RNLS: variants seen among roughly 807,000 people sequenced by gnomAD.
RNLS encodes renalase, FAD dependent amine oxidase.
RNLS carries 39 observed loss-of-function variants against 39.8 expected under a neutral mutation model. The observed-to-expected ratio is 0.98, with a 90% CI of 0.76 to 1.28. The LOEUF is 1.28. Ranked by LOEUF, RNLS falls within the 50% of genes most tolerant of loss-of-function variation. RNLS has a pLI of 0.00. For synonymous variants in RNLS, 147 were observed against 150.7 expected (o/e 0.98, Z 0.18); for missense variants, 410 against 413.3 (o/e 0.99, Z 0.07).
intron 4 of RNLS, among the ~76,000 whole-genome samples, chr10:88,457,645 A>C (rs1842705702): frequency 6.6e-6 from 1 of 152,240 alleles, no homozygotes; most frequent in South Asian, 2.1e-4. Context: ...TTGATATTTT[A>C]TAATTTTTAG....
At chr10:88,252,016 G>T in the RNLS span, among the ~76,000 whole-genome samples, 1 of 152,132 alleles carries the variant, frequency 6.6e-6, no homozygotes, top group Non-Finnish European at 1.5e-5. Flanking sequence ...ATTTCTTCTC[G>T]TTCCAAGTAG....
chr10:88,563,639 AG>A (rs1849321156), intron 4 of RNLS, among the ~76,000 whole-genome samples: 1 of 152,192 alleles, frequency 6.6e-6, no homozygotes, highest in Non-Finnish European at 1.5e-5. Flanking sequence ...GAGTGACAGG[AG>A]GATGTGAGAA....
At chr10:88,369,329 C>T (rs1174131592) in intron 4 of RNLS, among the ~76,000 whole-genome samples, 4 of 152,090 alleles carry the variant, frequency 2.6e-5, no homozygotes, top group Admixed American at 6.6e-5. Flanking sequence ...GAGACTGGCC[C>T]CTTTATGGGC....
chr10:88,438,944 C>G (rs1244228981), intron 4 of RNLS, among the ~76,000 whole-genome samples: 1 of 144,766 alleles, frequency 6.9e-6, no homozygotes, highest in Non-Finnish European at 1.5e-5. Flanking sequence ...AGAACAACAA[C>G]AAGTAACTGA....
At chr10:88,478,313 CT>C (rs1342053888) in intron 4 of RNLS, among the ~76,000 whole-genome samples, 1 of 152,136 alleles carries the variant, frequency 6.6e-6, no homozygotes, top group Non-Finnish European at 1.5e-5. Context: ...CAGTTAGTAT[CT>C]GATATTTGGT....
intron 4 of RNLS, among the ~76,000 whole-genome samples, chr10:88,388,068 G>T (rs900094579): frequency 6.6e-6 from 1 of 152,152 alleles, no homozygotes; most frequent in Admixed American, 6.6e-5. Flanking sequence ...GTAGAAGTTG[G>T]ATACCTAATT....
intron 4 of RNLS, among the ~76,000 whole-genome samples, chr10:88,529,089 T>C (rs1274736686): frequency 6.6e-6 from 1 of 152,154 alleles, no homozygotes; most frequent in Non-Finnish European, 1.5e-5. Context: ...TAGAAATATT[T>C]CTTCCTTACT....
chr10:88,575,863 G>A (rs958612854), intron 3 of RNLS, among the ~76,000 whole-genome samples: 3 of 152,104 alleles, frequency 2.0e-5, no homozygotes, highest in Non-Finnish European at 4.4e-5. Context: ...CCCTGCCTTA[G>A]TCTTGAGCAT....
rs561432900 is a variant in RNLS, at chr10:88,372,795, C to T, written c.527-10070G>A. On this transcript the variant is annotated intron_variant, in intron 4 of 6. Transcript: ENST00000331772. The stretch of plus-strand genomic sequence containing the variant: ...TCAGTTTTATCCTTGGGAATCTTCT[C>T]TTCACGTATTTGGCTTTCTTGTTTT... Among the ~76,000 whole-genome samples, 285 of 152,206 alleles carry T rather than the reference C, an allele frequency of 1.9e-3. 2 individuals carry two copies. The highest frequency in any genetic ancestry group is 6.5e-3 in the African/African-American group (269 of 41,552).
chr10:88,583,255 G>C lies in RNLS; in HGVS notation c.-65C>G. On this transcript the variant is annotated 5_prime_UTR_variant, in exon 1 of 7. Coordinates refer to ENST00000331772, the MANE Select transcript of RNLS (RefSeq NM_001031709.3). ...GGGGCCGTTCGGCCCGGGCTTTCTGGAAAGGCGGCCGAACCGGCGCTAGCG... is the reference window on the plus strand; with the variant it reads ...GGGGCCGTTCGGCCCGGGCTTTCTGCAAAGGCGGCCGAACCGGCGCTAGCG... 1 of 1,594,090 alleles carries C rather than the reference G, an allele frequency of 6.3e-7. No individual in the cohort carries two copies. Among genetic ancestry groups the C allele is most frequent in the Non-Finnish European group, 8.5e-7 (1 of 1,173,430 alleles).
the RNLS span, among the ~76,000 whole-genome samples, chr10:88,175,678 A>C: frequency 2.0e-5 from 3 of 152,148 alleles, no homozygotes; most frequent in Admixed American, 1.3e-4. Flanking sequence ...TCTATCCTGG[A>C]GAACATTCCA....
At chr10:88,410,219 T>A (rs1043729583) in intron 4 of RNLS, among the ~76,000 whole-genome samples, 10 of 152,172 alleles carry the variant, frequency 6.6e-5, no homozygotes, top group Admixed American at 3.9e-4. Flanking sequence ...AATAAGTTTT[T>A]AAAAATATTC....
chr10:88,472,388 T>C (rs757270904), intron 4 of RNLS, among the ~76,000 whole-genome samples: 1 of 152,106 alleles, frequency 6.6e-6, no homozygotes, highest in Non-Finnish European at 1.5e-5. Flanking sequence ...AAAGATGAGT[T>C]GAAGTCAAAA....
the RNLS span, among the ~76,000 whole-genome samples, chr10:88,254,648 TATAAGA>T: frequency 6.6e-6 from 1 of 152,204 alleles, no homozygotes; most frequent in African/African-American, 2.4e-5. Context: ...CCAAACTAAT[TATAAGA>T]ATAATAATAT....
chr10:88,561,475 G>C (rs1160040097), intron 4 of RNLS, among the ~76,000 whole-genome samples: 1 of 151,918 alleles, frequency 6.6e-6, no homozygotes, highest in African/African-American at 2.4e-5. Context: ...TTAAATAAAT[G>C]GTGCTGATAT....
chr10:88,581,255 AATAAAT>A (rs1022073967), intron 3 of RNLS, among the ~76,000 whole-genome samples: 1 of 148,284 alleles, frequency 6.7e-6, no homozygotes, highest in African/African-American at 2.5e-5. Context: ...TTTTTAAAAG[AATAAAT>A]ATAAAGAAAT....
chr10:88,352,323 A>C (rs1419233632), intron 5 of RNLS, among the ~76,000 whole-genome samples: 1 of 152,182 alleles, frequency 6.6e-6, no homozygotes, highest in African/African-American at 2.4e-5. Context: ...TCAGGATGAT[A>C]TTGGTTGTGG....
chr10:88,370,527 T>A (rs1850469823), intron 4 of RNLS, among the ~76,000 whole-genome samples: 1 of 152,194 alleles, frequency 6.6e-6, no homozygotes, highest in Non-Finnish European at 1.5e-5. Context: ...GAAGCCAATT[T>A]GTATTATAAC....
chr10:88,230,124 C>A, the RNLS span, among the ~76,000 whole-genome samples: 3 of 152,152 alleles, frequency 2.0e-5, no homozygotes, highest in Non-Finnish European at 4.4e-5. Context: ...AGTCAATCTT[C>A]TCTGAAGCAG....
Sources: gnomAD v4.1 joint callset for allele counts (sites outside exome capture counted in the v4.1 genomes callset) on GRCh38, gnomAD v4.1.1 for gene constraint, MANE v1.5 for transcripts, NCBI Gene and HGNC (gene_info 2026-07-23, HGNC 2026-07-21) for gene names.